The following CASP6 variants were observed in gnomAD, a reference collection of about 807,000 sequenced individuals.
CASP6 encodes the protein caspase 6.
In CASP6, 20 loss-of-function variants were observed where a neutral mutation model predicts 31.8. The ratio of observed to expected loss-of-function variants is 0.63; its 90% CI spans 0.44 to 0.91. The LOEUF (loss-of-function observed/expected upper bound fraction) is 0.91. CASP6 is among the 40% of genes least tolerant of loss of function. CASP6 has a pLI of 0.00. For synonymous variants in CASP6, 130 were observed against 127.8 expected (o/e 1.02, Z -0.12); for missense variants, 328 against 361.1 (o/e 0.91, Z 0.74).
intron 5 of CASP6, among the ~76,000 whole-genome samples, chr4:109,694,225 A>G (rs1191455876): frequency 2.6e-5 from 4 of 152,230 alleles, no homozygotes; most frequent in Non-Finnish European, 4.4e-5. Context: ...GCACTCTTCA[A>G]TCAGCAGGTA....
intron 5 of CASP6, among the ~76,000 whole-genome samples, chr4:109,693,741 AATT>A (rs1730149495): frequency 6.6e-6 from 1 of 150,940 alleles, no homozygotes; most frequent in African/African-American, 2.4e-5. Flanking sequence ...CAAAAAAAAA[AATT>A]TTTTTTTTTT....
intron 6 of CASP6, 141 bp downstream of exon 6, chr4:109,690,709 C>A: frequency 1.3e-6 from 1 of 794,126 alleles, no homozygotes; most frequent in Non-Finnish European, 1.9e-6. Flanking sequence ...GCCATGTGGT[C>A]AAAGAAATTC....
chr4:109,684,420 A>G, downstream of CASP6: 2 of 1,573,454 alleles, frequency 1.3e-6, no homozygotes, highest in Non-Finnish European at 1.7e-6. Context: ...AAACAGAATT[A>G]ACAGTTTTTC....
chr4:109,685,303 A>G (rs1729814014), downstream of CASP6: 8 of 1,594,438 alleles, frequency 5.0e-6, no homozygotes, highest in African/African-American at 1.3e-5. Flanking sequence ...TTCTTCCACA[A>G]GAAATCAAAG....
chr4:109,680,906 A>G, the CASP6 span, among the ~76,000 whole-genome samples: 2 of 152,186 alleles, frequency 1.3e-5, no homozygotes, highest in East Asian at 3.9e-4. Context: ...GAAGGGTATC[A>G]ATCTGAGGGA....
the CASP6 span, among the ~76,000 whole-genome samples, chr4:109,673,279 C>T: frequency 1.3e-4 from 20 of 152,316 alleles, no homozygotes; most frequent in African/African-American, 4.8e-4. Flanking sequence ...TACAGGCCAT[C>T]CCATTACTCC....
upstream of CASP6, chr4:109,703,456 GC>G (rs1730498520): frequency 3.8e-6 from 6 of 1,572,704 alleles, no homozygotes; most frequent in Non-Finnish European, 4.3e-6. Context: ...AGGCTCCCGG[GC>G]CCGGCCCCGC....
the CASP6 span, among the ~76,000 whole-genome samples, chr4:109,677,412 T>G: frequency 3.9e-5 from 6 of 152,190 alleles, no homozygotes; most frequent in South Asian, 1.0e-3. Context: ...TGCTTGGGGC[T>G]CTTGGGATGG....
intron 1 of CASP6, among the ~76,000 whole-genome samples, chr4:109,698,887 C>A (rs551920670): frequency 5.3e-5 from 8 of 152,328 alleles, no homozygotes; most frequent in African/African-American, 1.7e-4. Context: ...AAGGGGAGCC[C>A]TCTGCTCTCC....
At chr4:109,703,056 C>T (rs938962190) in intron 1 of CASP6, among the ~76,000 whole-genome samples, 1 of 152,196 alleles carries the variant, frequency 6.6e-6, no homozygotes, top group African/African-American at 2.4e-5. Context: ...GCCCCGAAAG[C>T]GCTCATCGCC....
At chr4:109,701,489 C>T (rs5030530) in intron 1 of CASP6, among the ~76,000 whole-genome samples, 6,854 of 151,668 alleles carry the variant, frequency 0.045, 169 homozygotes, top group Middle Eastern at 0.097. Flanking sequence ...AGTGCAGTGG[C>T]GCAATCTTGG....
chr4:109,685,907 A>G (rs899644046), downstream of CASP6, among the ~76,000 whole-genome samples: 3 of 152,092 alleles, frequency 2.0e-5, no homozygotes, highest in Admixed American at 6.5e-5. Context: ...TGGCCTCCCA[A>G]TTTACTCATT....
Position 109,689,417 on chromosome 4 carries a change from T to G in CASP6, c.795A>C (p.Lys265Asn). Residue 265 changes from lysine (K) to asparagine (N), a missense_variant, in exon 7 of 7, where the codon AAA (lysine) becomes AAC (asparagine). Physicochemically the swap from Lys to Asn is moderately conservative, Grantham distance 94 (BLOSUM62 0). Coordinates refer to ENST00000265164, the MANE Select transcript of CASP6 (RefSeq NM_001226.4). ...KVSQRRVDFC[K>N]DPSAIGKKQV... ...GCTTCTTTCCAATTGCACTTGGGTC[T>G]TTGCAAAAGTCCACTCGGCGCTGAG... 2 of 1,614,252 alleles carry G rather than the reference T, an allele frequency of 1.2e-6. No homozygotes were observed. Among genetic ancestry groups the G allele is most frequent in the Non-Finnish European group, 1.7e-6 (2 of 1,180,046 alleles).
the CASP6 span, chr4:109,664,422 C>CT: frequency 0.37 from 222,970 of 610,254 alleles, 20,648 homozygotes; most frequent in African/African-American, 0.56. Context: ...CCAACTATTA[C>CT]TTTTTTTTTT....
At chr4:109,687,650 A>G, downstream of CASP6, 1 of 1,084,816 alleles carries the variant, frequency 9.2e-7, no homozygotes, top group Non-Finnish European at 1.4e-6. Flanking sequence ...GCAACTTAGG[A>G]TGTTTTTGAG....
At chr4:109,689,807 A>T (rs780159574) in intron 6 of CASP6, among the ~76,000 whole-genome samples, 4 of 152,206 alleles carry the variant, frequency 2.6e-5, no homozygotes, top group African/African-American at 7.2e-5. Context: ...TTCCTAAAAA[A>T]TTCCCAAGAT....
upstream of CASP6, among the ~76,000 whole-genome samples, chr4:109,706,131 T>TATATATATA (rs60918624): frequency 6.8e-3 from 245 of 36,024 alleles, 26 homozygotes; most frequent in African/African-American, 0.021. Flanking sequence ...CCTATCCATT[T>TATATATATA]TATATATATA....
At position 109,697,626 on chromosome 4, in the gene CASP6, G is replaced by C. The variant is rs536956201; in HGVS notation, c.226C>G (p.Arg76Gly). The change falls in exon 3 of 7, where the codon CGC becomes GGC. Residue 76 changes from arginine (R) to glycine (G), a missense_variant. Physicochemically the swap from Arg to Gly is moderately radical, Grantham distance 125. Coordinates refer to ENST00000265164, the MANE Select transcript of CASP6 (RefSeq NM_001226.4). ...GTCADRDNLT[R>G]RFSDLGFEVK... ...ATAGGTAGATAAAACTACTACCTGC[G>C]GGTAAGATTGTCTCTATCTGCGCAG... 20 of 1,602,888 alleles carry C rather than the reference G, an allele frequency of 1.2e-5. No individual in the cohort carries two copies. In the African/African-American group the frequency reaches 1.5e-4, roughly 12 times the overall value.
intron 1 of CASP6, among the ~76,000 whole-genome samples, chr4:109,700,069 T>C (rs1215319084): frequency 6.6e-6 from 1 of 152,212 alleles, no homozygotes; most frequent in Admixed American, 6.5e-5. Context: ...TACTGACTGC[T>C]GAGCCGAAGG....
Sources: allele counts gnomAD v4.1 joint callset (sites outside exome capture counted in the v4.1 genomes callset), GRCh38; gene constraint gnomAD v4.1.1; transcripts MANE v1.5; gene names NCBI Gene and HGNC (gene_info 2026-07-23, HGNC 2026-07-21).